Variants in CFAP251 observed in about 807,000 individuals in gnomAD.
The protein encoded by CFAP251 is cilia- and flagella-associated protein 251.
A neutral mutation model predicts 126.7 loss-of-function variants in CFAP251; 93 were observed. That is an observed-to-expected ratio of 0.73 (90% CI 0.62 to 0.87). CFAP251 has a LOEUF of 0.87. Ranked by LOEUF, CFAP251 falls within the 40% of genes least tolerant of loss-of-function variation. The pLI is 0.00. For missense variants in CFAP251, 1,287 were observed against 1,389.2 expected, an observed-to-expected ratio of 0.93 and a Z score of 1.17; for synonymous variants, 503 against 506.9, an observed-to-expected ratio of 0.99 and a Z score of 0.10.
At position 121,954,441 on chromosome 12, in the gene CFAP251, G is replaced by T. The variant is rs1881642499; in HGVS notation, c.1535+107G>T. On this transcript the variant is annotated intron_variant, in intron 10 of 21. Transcript: ENST00000288912. ...CTTACACCTCTAATTTCAGTTCTTT[G>T]GGAGGCTGAGGTGGGAGGATCACAT... 3 of 1,021,856 alleles carry T rather than the reference G, an allele frequency of 2.9e-6. No homozygotes were observed. The East Asian group carries it at 8.1e-5, about 27-fold the overall frequency. 63.3% of individuals were successfully genotyped at this position (1,021,856 alleles called of 1,614,324 possible).
intron 19 of CFAP251, among the ~76,000 whole-genome samples, chr12:121,976,419 G>A (rs574247493): frequency 1.2e-4 from 18 of 152,154 alleles, no homozygotes; most frequent in African/African-American, 3.9e-4. Flanking sequence ...TGTTAGTCTC[G>A]CTGTCTAGTT....
chr12:121,935,485 T>C (rs966847572), intron 5 of CFAP251, among the ~76,000 whole-genome samples: 2 of 152,238 alleles, frequency 1.3e-5, no homozygotes, highest in African/African-American at 4.8e-5. Flanking sequence ...ACATTCGATT[T>C]AGCTGTGATG....
chr12:121,957,789 G>C (rs1043956477), intron 11 of CFAP251, among the ~76,000 whole-genome samples: 1 of 151,630 alleles, frequency 6.6e-6, no homozygotes. Context: ...CCTGATCCCT[G>C]ATCTCTCACC....
chr12:121,948,099 G>C (rs781032953), intron 7 of CFAP251: 3 of 152,214 alleles, frequency 2.0e-5, no homozygotes, highest in Non-Finnish European at 2.9e-5. Flanking sequence ...TCCCCAGGAA[G>C]AGCTTGCTTT....
intron 19 of CFAP251, among the ~76,000 whole-genome samples, chr12:121,982,188 C>T (rs1882637679): frequency 6.6e-6 from 1 of 151,924 alleles, no homozygotes; most frequent in African/African-American, 2.4e-5. Flanking sequence ...AAATTGATGG[C>T]AGTCTTCTCA....
At chr12:121,980,444 T>C (rs1882593499) in intron 19 of CFAP251, among the ~76,000 whole-genome samples, 1 of 150,552 alleles carries the variant, frequency 6.6e-6, no homozygotes. Flanking sequence ...GGTCTCACTG[T>C]GTCACCTGGT....
chr12:121,934,147 G>A, intron 4 of CFAP251, 100 bp from the exon 5 acceptor site: 1 of 831,908 alleles, frequency 1.2e-6, no homozygotes, highest in Non-Finnish European at 1.8e-6. Context: ...AGCGTTGAAA[G>A]GAGCTCAGAT....
chr12:121,957,577 G>A (rs1881771891), intron 11 of CFAP251, among the ~76,000 whole-genome samples: 1 of 151,996 alleles, frequency 6.6e-6, no homozygotes, highest in Non-Finnish European at 1.5e-5. Flanking sequence ...GGTGACGGGT[G>A]CCTGTAGTCC....
rs368300353 is a variant in CFAP251, at chr12:121,954,178, A to G, written c.1379A>G (p.Gln460Arg). 1.2e-4 allele frequency: 190 copies of G among 1,614,058 alleles called. No homozygotes were observed. The highest frequency in any genetic ancestry group is 1.6e-4 in the Non-Finnish European group (185 of 1,180,038). The stretch of plus-strand genomic sequence containing the variant: ...TCCATCTTTCACTTGAATTTAACAC[A>G]AATACTCTCAGCCACAATGGAAGGG... ...SQSIFHLNLT[Q>R]ILSATMEGKL... Residue 460 changes from glutamine to arginine, a missense_variant, in exon 10 of 22, where the codon CAA becomes CGA. Physicochemically the swap from Gln to Arg is conservative, Grantham distance 43. Transcript: ENST00000288912.
chr12:121,968,245 C>G, intron 17 of CFAP251, 76 bp downstream of exon 17: 3 of 1,420,136 alleles, frequency 2.1e-6, no homozygotes, highest in Middle Eastern at 2.5e-4. Context: ...ACACTGAACC[C>G]TACTGCGTGC....
At chr12:121,920,617 C>T (rs866536951) in intron 1 of CFAP251, among the ~76,000 whole-genome samples, 7 of 152,180 alleles carry the variant, frequency 4.6e-5, no homozygotes, top group Middle Eastern at 3.4e-3. Context: ...AGGATGGTCT[C>T]GATCTCCTGA....
At chr12:121,968,790 TG>T (rs1781827700) in intron 17 of CFAP251, 1 of 586,060 alleles carries the variant, frequency 1.7e-6, no homozygotes, top group Non-Finnish European at 2.1e-6. Context: ...GTAGGATCCC[TG>T]TAAAGATCAG....
At chr12:121,966,365 A>G (rs1166908387) in intron 15 of CFAP251, among the ~76,000 whole-genome samples, 1 of 139,738 alleles carries the variant, frequency 7.2e-6, no homozygotes, top group Admixed American at 7.5e-5. Flanking sequence ...GGTTCAAGCG[A>G]TTCTCATGCC....
Position 121,958,333 on chromosome 12 carries a change from C to G in CFAP251, c.1792C>G (p.Leu598Val), listed in dbSNP as rs767900406. ...CCACTTAACAACAGATGGGACCAAACTTGAGAAGTTATTTGTAGAGCCCAA... is the reference window on the plus strand; with the variant it reads ...CCACTTAACAACAGATGGGACCAAAGTTGAGAAGTTATTTGTAGAGCCCAA... ...VYHLTTDGTK[L>V]EKLFVEPKDA... Residue 598 changes from leucine to valine, a missense_variant, in exon 12 of 22, where the codon CTT becomes GTT. Leu to Val is a conservative substitution (Grantham distance 32). Coordinates refer to ENST00000288912, the MANE Select transcript of CFAP251 (RefSeq NM_144668.6). The G allele has an allele frequency of 6.2e-7, 1 of 1,614,194 alleles. No homozygotes were observed. The highest frequency in any genetic ancestry group is 8.5e-7 in the Non-Finnish European group (1 of 1,180,038).
intron 11 of CFAP251, among the ~76,000 whole-genome samples, 156 bp downstream of exon 11, chr12:121,957,424 G>A (rs1202452800): frequency 1.3e-5 from 2 of 152,158 alleles, no homozygotes; most frequent in African/African-American, 4.8e-5. Flanking sequence ...GAAACATAAG[G>A]CCGGGCGTGG....
At chr12:121,943,006 C>T in intron 7 of CFAP251, 31 bp downstream of exon 7, 1 of 1,611,162 alleles carries the variant, frequency 6.2e-7, no homozygotes. Context: ...TAAACATCAA[C>T]CTGAAGTTAT....
Position 121,974,350 on chromosome 12 carries a change from A to G in CFAP251, c.2772-894A>G, listed in dbSNP as rs977311691. On this transcript the variant is annotated intron_variant, in intron 17 of 21. Transcript: ENST00000288912. This position sits in a 1 kb window ranked among gnomAD's most constrained non-coding sequence, Gnocchi z 4.6. ...GTTTTTATCAGCAGCATGAAAACAG[A>G]CTAGAATACCGTGTCTGCGTTTATT... 3.3e-5 allele frequency among the ~76,000 whole-genome samples: 5 copies of G among 152,204 alleles called. No homozygotes were observed. Among genetic ancestry groups the G allele is most frequent in the Admixed American group, 2.6e-4 (4 of 15,282 alleles).
At chr12:121,990,410 A>G (rs1292628529) in intron 19 of CFAP251, among the ~76,000 whole-genome samples, 1 of 152,194 alleles carries the variant, frequency 6.6e-6, no homozygotes, top group Non-Finnish European at 1.5e-5. Context: ...TAGGTTATGT[A>G]GGGGAGAGAA....
chr12:121,993,969 A>T (rs1348371562), intron 19 of CFAP251, among the ~76,000 whole-genome samples: 1 of 51,378 alleles, frequency 1.9e-5, no homozygotes, highest in African/African-American at 5.8e-5. Context: ...TCCGGGAGGG[A>T]GGTGGGGGGG....
Sources: allele counts gnomAD v4.1 joint callset (sites outside exome capture counted in the v4.1 genomes callset), GRCh38; gene constraint gnomAD v4.1.1; non-coding constraint Gnocchi (gnomAD v3.1); transcripts MANE v1.5; gene names NCBI Gene and HGNC (gene_info 2026-07-23, HGNC 2026-07-21).